The following DTNB variants were observed in gnomAD, a reference collection of about 807,000 sequenced individuals.
The protein encoded by DTNB is dystrobrevin beta, also known as DTN-B.
In DTNB, 63 loss-of-function variants were observed where a neutral mutation model predicts 90.7. That is an observed-to-expected ratio of 0.69 (90% CI 0.57 to 0.86). The LOEUF is 0.86. DTNB is among the 40% of genes least tolerant of loss of function. The pLI, the probability that DTNB is intolerant of heterozygous loss-of-function variation, is 0.00. For synonymous variants in DTNB, 277 were observed against 286.7 expected (o/e 0.97, Z 0.34); for missense variants, 744 against 807.1 (o/e 0.92, Z 0.95).
chr2:25,546,561 T>C (rs930735001), intron 8 of DTNB, among the ~76,000 whole-genome samples: 1 of 152,184 alleles, frequency 6.6e-6, no homozygotes, highest in Non-Finnish European at 1.5e-5. Context: ...CCAAGACAGA[T>C]TTCCTACTTC....
chr2:25,643,714 A>C (rs1238989842), intron 2 of DTNB, among the ~76,000 whole-genome samples: 1 of 152,170 alleles, frequency 6.6e-6, no homozygotes, highest in Non-Finnish European at 1.5e-5. Context: ...CGTTCCAGGA[A>C]GCCATGGGTT....
chr2:25,576,156 C>A lies in DTNB; in HGVS notation c.876+682G>T, dbSNP rs2060610826. Among the ~76,000 whole-genome samples, 3 of 150,122 alleles carry A rather than the reference C, an allele frequency of 2.0e-5. No homozygotes were observed. The South Asian group carries it at 6.4e-4, about 32-fold the overall frequency. On this transcript the variant is annotated intron_variant, in intron 8 of 20. Coordinates refer to ENST00000406818, the MANE Select transcript of DTNB (RefSeq NM_021907.5). ...GAGGAAATTTTGCTTGCAAAAAGAACTTTAAGTCTTACTTAGAGCTCAAAA... is the reference window on the plus strand; with the variant it reads ...GAGGAAATTTTGCTTGCAAAAAGAAATTTAAGTCTTACTTAGAGCTCAAAA...
chr2:25,404,990 C>T (rs2044718400), intron 16 of DTNB, among the ~76,000 whole-genome samples: 2 of 152,120 alleles, frequency 1.3e-5, no homozygotes, highest in South Asian at 4.1e-4. Flanking sequence ...TGCACTCAGG[C>T]TGGAGTGCAG....
rs149031254 is a variant in DTNB at position 25,495,239 on chromosome 2, A to G, written c.1002-12366T>C. ...TGCCACCACACCAGCTAATTTCTGT[A>G]TTTTTCATAGAGTTGGGGGTTGTGT... On this transcript the variant is annotated intron_variant, in intron 9 of 20. Transcript: ENST00000406818. Among the ~76,000 whole-genome samples, 20 of 151,886 alleles carry G rather than the reference A, an allele frequency of 1.3e-4. No homozygotes were observed. In the East Asian group the frequency reaches 2.3e-3, roughly 18 times the overall value.
At chr2:25,459,797 A>C (rs2060644910) in intron 10 of DTNB, among the ~76,000 whole-genome samples, 2 of 151,932 alleles carry the variant, frequency 1.3e-5, no homozygotes, top group Admixed American at 6.6e-5. Context: ...CCCGGCCCTG[A>C]TATTATTTAT....
At chr2:25,513,770 C>T (rs1384506171) in intron 9 of DTNB, among the ~76,000 whole-genome samples, 2 of 150,840 alleles carry the variant, frequency 1.3e-5, no homozygotes, top group Non-Finnish European at 3.0e-5. Context: ...AAAAAAAACC[C>T]CACAAGAAAT....
intron 20 of DTNB, 37 bp downstream of exon 20, chr2:25,379,253 A>G: frequency 7.6e-7 from 1 of 1,312,166 alleles, no homozygotes; most frequent in Non-Finnish European, 9.8e-7. Flanking sequence ...GGAAGGAGGG[A>G]GGGGCCGTGG....
At chr2:25,607,679 TG>T (rs2067441000) in intron 4 of DTNB, among the ~76,000 whole-genome samples, 1 of 152,232 alleles carries the variant, frequency 6.6e-6, no homozygotes, top group Non-Finnish European at 1.5e-5. Context: ...AGGGGCCACC[TG>T]GTTTGAATAT....
At position 25,392,609 on chromosome 2, in the gene DTNB, T is replaced by C. The variant is rs116667375; in HGVS notation, c.1576-4248A>G. ...AAATACAAAAGATTTAAAGTTACCA[T>C]GAACACCTTTACATGCATAAACTAG... On this transcript the variant is annotated intron_variant, in intron 16 of 20. Coordinates refer to ENST00000406818, the MANE Select transcript of DTNB (RefSeq NM_021907.5). 3.9e-3 allele frequency among the ~76,000 whole-genome samples: 594 copies of C among 152,246 alleles called. 4 individuals are homozygous for C. The highest frequency in any genetic ancestry group is 0.014 in the African/African-American group (566 of 41,556).
chr2:25,520,261 ACTT>A (rs2075912350), intron 9 of DTNB, among the ~76,000 whole-genome samples: 1 of 152,166 alleles, frequency 6.6e-6, no homozygotes, highest in South Asian at 2.1e-4. Context: ...TGACCCAGCT[ACTT>A]GGGTGACTGA....
chr2:25,651,640 G>A (rs1038278110), intron 2 of DTNB, among the ~76,000 whole-genome samples: 1 of 152,180 alleles, frequency 6.6e-6, no homozygotes, highest in African/African-American at 2.4e-5. Flanking sequence ...ACAACACATG[G>A]CTGAGCTGAG....
At chr2:25,469,451 A>G (rs2062385329) in intron 10 of DTNB, among the ~76,000 whole-genome samples, 1 of 151,966 alleles carries the variant, frequency 6.6e-6, no homozygotes, top group African/African-American at 2.4e-5. Context: ...TCATTCATTC[A>G]CTTACTTATT....
intron 18 of DTNB, among the ~76,000 whole-genome samples, chr2:25,385,234 G>A (rs1388006242): frequency 6.6e-6 from 1 of 152,150 alleles, no homozygotes; most frequent in Non-Finnish European, 1.5e-5. Context: ...TTATAAAGAT[G>A]AGGACTACAA....
chr2:25,585,221 A>G (rs979907256), intron 6 of DTNB, among the ~76,000 whole-genome samples: 3 of 152,202 alleles, frequency 2.0e-5, no homozygotes, highest in Non-Finnish European at 4.4e-5. Flanking sequence ...ATATTTCTAC[A>G]TACTTGTGAA....
intron 10 of DTNB, among the ~76,000 whole-genome samples, chr2:25,478,274 G>A (rs1449324265): frequency 1.3e-5 from 2 of 152,174 alleles, no homozygotes; most frequent in Admixed American, 6.5e-5. Context: ...AGATGACTGG[G>A]TATAAATTGG....
At chr2:25,518,701 T>C (rs1470071036) in intron 9 of DTNB, among the ~76,000 whole-genome samples, 3 of 152,216 alleles carry the variant, frequency 2.0e-5, no homozygotes, top group East Asian at 1.9e-4. Context: ...CTTTGCTCTT[T>C]CTTTCCTTTT....
At chr2:25,665,978 C>T (rs1332500986) in intron 1 of DTNB, among the ~76,000 whole-genome samples, 1 of 152,098 alleles carries the variant, frequency 6.6e-6, no homozygotes, top group East Asian at 1.9e-4. Flanking sequence ...GCATTTAGCA[C>T]AATGGCATCC....
At chr2:25,530,947 T>C (rs1459314358) in intron 9 of DTNB, among the ~76,000 whole-genome samples, 1 of 152,216 alleles carries the variant, frequency 6.6e-6, no homozygotes, top group African/African-American at 2.4e-5. Flanking sequence ...TGTTCTCCTC[T>C]AGCTTTGCTT....
intron 8 of DTNB, among the ~76,000 whole-genome samples, chr2:25,569,288 C>A (rs754301521): frequency 1.3e-5 from 2 of 152,188 alleles, no homozygotes; most frequent in Non-Finnish European, 2.9e-5. Flanking sequence ...GCTTATTATG[C>A]AGCAAGAGTC....
Sources: allele counts gnomAD v4.1 joint callset (sites outside exome capture counted in the v4.1 genomes callset), GRCh38; gene constraint gnomAD v4.1.1; transcripts MANE v1.5; gene names NCBI Gene and HGNC (gene_info 2026-07-23, HGNC 2026-07-21).